NBEA: variants seen among roughly 807,000 people sequenced by gnomAD.
NBEA encodes the protein neurobeachin, also known as lysosomal-trafficking regulator 2.
In NBEA, 44 loss-of-function variants were observed where a neutral mutation model predicts 343.4. The observed-to-expected ratio is 0.13, with a 90% CI of 0.10 to 0.16. The LOEUF is 0.16. NBEA is among the 10% of genes least tolerant of loss of function. The probability of loss-of-function intolerance (pLI) is 1.00; values close to 1 mark genes in which losing one functional copy is unlikely to be tolerated. For missense variants in NBEA, 2,555 were observed against 3,631.3 expected (o/e 0.70, Z 7.62); for synonymous variants, 1,175 against 1,238.7 (o/e 0.95, Z 1.08).
chr13:35,393,134 A>G (rs2042585043), intron 38 of NBEA, among the ~76,000 whole-genome samples: 1 of 152,192 alleles, frequency 6.6e-6, no homozygotes, highest in South Asian at 2.1e-4. Context: ...TAATTTGTCC[A>G]GTTACCCTAA....
chr13:35,409,934 G>A (rs963005366), intron 38 of NBEA, among the ~76,000 whole-genome samples: 2 of 151,924 alleles, frequency 1.3e-5, no homozygotes, highest in African/African-American at 4.8e-5. Context: ...TTAAGTATAG[G>A]TTATACCATC....
intron 48 of NBEA, among the ~76,000 whole-genome samples, chr13:35,621,232 A>G (rs2082976677): frequency 6.6e-6 from 1 of 152,202 alleles, no homozygotes; most frequent in African/African-American, 2.4e-5. Context: ...CCCAAAGATC[A>G]GAGGTTTTGT....
At chr13:35,290,914 T>G (rs1226815926) in intron 35 of NBEA, among the ~76,000 whole-genome samples, 1 of 151,780 alleles carries the variant, frequency 6.6e-6, no homozygotes, top group Non-Finnish European at 1.5e-5. Context: ...TTTCTCTTTT[T>G]TAAATGTAAT....
At chr13:35,540,911 A>T (rs1339742092) in intron 41 of NBEA, among the ~76,000 whole-genome samples, 1 of 152,218 alleles carries the variant, frequency 6.6e-6, no homozygotes. Context: ...ATTCACATAG[A>T]TTTGAAACAG....
chr13:35,444,094 C>T (rs1331231403), intron 39 of NBEA, among the ~76,000 whole-genome samples: 1 of 151,856 alleles, frequency 6.6e-6, no homozygotes, highest in Non-Finnish European at 1.5e-5. Context: ...CACAGATACA[C>T]TAAGGTAAGC....
intron 45 of NBEA, among the ~76,000 whole-genome samples, chr13:35,577,391 A>G (rs1405138889): frequency 6.6e-6 from 1 of 152,178 alleles, no homozygotes; most frequent in Non-Finnish European, 1.5e-5. Context: ...AAAAGAATAT[A>G]TATCCATTAC....
intron 30 of NBEA, among the ~76,000 whole-genome samples, chr13:35,191,912 A>G (rs755360218): frequency 1.6e-4 from 24 of 152,074 alleles, no homozygotes; most frequent in Non-Finnish European, 2.4e-4. Context: ...ATGTGAAGTC[A>G]CCGTGTAAAT....
intron 38 of NBEA, among the ~76,000 whole-genome samples, chr13:35,383,468 G>T (rs2042103791): frequency 6.6e-6 from 1 of 152,138 alleles, no homozygotes. Context: ...CCAGGGGAAT[G>T]ATTGTCAATG....
chr13:35,164,291 C>T (rs1043688908), intron 23 of NBEA, 65 bp from the exon 24 acceptor site: 2 of 1,372,638 alleles, frequency 1.5e-6, no homozygotes. Flanking sequence ...ACTTGTTATT[C>T]TAATTGTCTA....
intron 36 of NBEA, among the ~76,000 whole-genome samples, chr13:35,316,570 T>C (rs1181973126): frequency 6.6e-6 from 1 of 152,160 alleles, no homozygotes; most frequent in Non-Finnish European, 1.5e-5. Context: ...AGTAAACATA[T>C]GTGTGCATGT....
intron 41 of NBEA, among the ~76,000 whole-genome samples, chr13:35,498,707 A>T (rs2152978372): frequency 6.6e-6 from 1 of 152,232 alleles, no homozygotes; most frequent in African/African-American, 2.4e-5. Context: ...ATATTTAAAA[A>T]TAATAAAATC....
At chr13:34,995,766 A>G (rs1198750113) in intron 1 of NBEA, among the ~76,000 whole-genome samples, 3 of 152,222 alleles carry the variant, frequency 2.0e-5, no homozygotes, top group African/African-American at 7.2e-5. Flanking sequence ...AGCATGAATG[A>G]CTTCATATTA....
At chr13:35,100,123 T>C (rs1379894142) in intron 11 of NBEA, among the ~76,000 whole-genome samples, 3 of 152,130 alleles carry the variant, frequency 2.0e-5, no homozygotes, top group African/African-American at 4.8e-5. Context: ...TGAAATATTA[T>C]CAATTGATTA....
intron 25 of NBEA, among the ~76,000 whole-genome samples, chr13:35,169,711 G>T (rs1304008530): frequency 6.6e-6 from 1 of 151,554 alleles, no homozygotes; most frequent in Non-Finnish European, 1.5e-5. Context: ...CTAAGAAATG[G>T]CCAAGTTCTT....
chr13:35,636,703 G>T (rs1240532952), intron 49 of NBEA, among the ~76,000 whole-genome samples: 3 of 152,088 alleles, frequency 2.0e-5, no homozygotes, highest in African/African-American at 7.2e-5. Context: ...GGAAAATTTG[G>T]CAGGGATGTC....
rs2071381132 is a variant in NBEA, at chr13:35,182,440, C to T, written c.4743C>T (p.Asp1581=). ...TTCTGATGGTTTCCAAGTATCGTGA[C>T]ATATTAGAACCCCAGAGAGAGACTA... is the stretch of plus-strand genomic sequence containing the variant. ...ISVLMVSKYR[D]ILEPQRETTR... is the part of the protein sequence containing the mutation. Residue 1581 remains aspartate, a synonymous_variant, in exon 29 of 59, where the codon GAC becomes GAT. Transcript: ENST00000379939. 4.3e-6 allele frequency: 7 copies of T among 1,610,574 alleles called. No homozygotes were observed. The highest frequency in any genetic ancestry group is 3.4e-5 in the Admixed American group (2 of 59,676).
intron 1 of NBEA, among the ~76,000 whole-genome samples, chr13:34,983,254 A>G (rs946599730): frequency 2.6e-5 from 4 of 152,076 alleles, no homozygotes; most frequent in African/African-American, 9.6e-5. Flanking sequence ...ATTCCCACCT[A>G]TGAGTGAGAA....
chr13:35,493,154 A>C (rs1266183343), intron 41 of NBEA, among the ~76,000 whole-genome samples: 1 of 151,924 alleles, frequency 6.6e-6, no homozygotes, highest in Admixed American at 6.6e-5. Context: ...ACCCATGAAG[A>C]GTAGAATGAA....
At chr13:35,325,591 T>G (rs767524653) in intron 36 of NBEA, among the ~76,000 whole-genome samples, 8 of 151,902 alleles carry the variant, frequency 5.3e-5, no homozygotes, top group Non-Finnish European at 1.0e-4. Context: ...TAAGCATAGG[T>G]GCAATAATTT....
Sources: allele counts gnomAD v4.1 joint callset (sites outside exome capture counted in the v4.1 genomes callset), GRCh38; gene constraint gnomAD v4.1.1; transcripts MANE v1.5; gene names NCBI Gene and HGNC (gene_info 2026-07-23, HGNC 2026-07-21).